NTS: variants seen among roughly 807,000 people sequenced by gnomAD.
The protein encoded by NTS is neurotensin.
NTS carries 20 observed loss-of-function variants against 19.5 expected under a neutral mutation model. The ratio of observed to expected loss-of-function variants is 1.02; its 90% confidence interval spans 0.72 to 1.49. The LOEUF is 1.49. NTS is among the 40% of genes most tolerant of loss of function. NTS has a pLI of 0.00. For synonymous variants in NTS, 71 were observed against 63.3 expected (o/e 1.12, Z -0.58); for missense variants, 215 against 193.1 (o/e 1.11, Z -0.67).
At position 85,882,395 on chromosome 12, in the gene NTS, A is replaced by T. The variant is rs372973030; in HGVS notation, c.*20A>T. The stretch of plus-strand genomic sequence containing the variant: ...TACTGAGAGAATAAATCATTTATTT[A>T]CATGTGATTGTGATTCATCATCCCT... On this transcript the variant is annotated 3_prime_UTR_variant, in exon 4 of 4. Coordinates refer to ENST00000256010, the MANE Select transcript of NTS (RefSeq NM_006183.5). The T allele has an allele frequency of 8.7e-6, 13 of 1,492,906 alleles. No homozygotes were observed. In the African/African-American group the frequency reaches 1.9e-4, roughly 21 times the overall value. 92.5% of individuals were successfully genotyped at this position (1,492,906 alleles called of 1,614,324 possible).
intron 1 of NTS, among the ~76,000 whole-genome samples, chr12:85,876,031 A>G (rs1256349964): frequency 6.6e-6 from 1 of 151,960 alleles, no homozygotes; most frequent in Admixed American, 6.6e-5. Flanking sequence ...GAACAGCTCC[A>G]CTTTTGCTTT....
chr12:85,881,424 A>G (rs1881499954), intron 3 of NTS, among the ~76,000 whole-genome samples: 1 of 152,188 alleles, frequency 6.6e-6, no homozygotes. Context: ...ATTGTATATT[A>G]AACTCTGGAC....
chr12:85,880,930 C>A (rs1285614160), intron 3 of NTS, among the ~76,000 whole-genome samples: 4 of 151,868 alleles, frequency 2.6e-5, no homozygotes, highest in Non-Finnish European at 4.4e-5. Context: ...CCAGCCTGGG[C>A]GACAGAGCGA....
At chr12:85,881,293 T>C (rs1398802165) in intron 3 of NTS, among the ~76,000 whole-genome samples, 1 of 152,192 alleles carries the variant, frequency 6.6e-6, no homozygotes, top group East Asian at 1.9e-4. Context: ...TTTATTCATA[T>C]GCATTGCAAT....
chr12:85,879,547 G>C (rs1881446257), intron 3 of NTS, among the ~76,000 whole-genome samples: 1 of 100,776 alleles, frequency 9.9e-6, no homozygotes. Flanking sequence ...TATATTTTTT[G>C]TATATTTTAT....
Position 85,878,460 on chromosome 12 carries a change from T to C in NTS, c.251T>C (p.Val84Ala). Residue 84 changes from valine (V) to alanine (A), a missense_variant, in exon 3 of 4, where the codon GTT becomes GCT. By Grantham distance (64) the Val-to-Ala change is moderately conservative (BLOSUM62 0). Coordinates refer to ENST00000256010, the MANE Select transcript of NTS (RefSeq NM_006183.5). ...ETGEVHEEEL[V>A]ARRKLPTALD... ...GGAGAAGTTCATGAAGAGGAGCTTGTTGCAAGAAGGAAACTTCCTACTGCT... is the reference window on the plus strand; with the variant it reads ...GGAGAAGTTCATGAAGAGGAGCTTGCTGCAAGAAGGAAACTTCCTACTGCT... 2 of 1,613,908 alleles carry C rather than the reference T, an allele frequency of 1.2e-6. No homozygotes were observed. The highest frequency in any genetic ancestry group is 1.1e-5 in the South Asian group (1 of 91,064).
At chr12:85,881,493 T>C (rs1881501373) in intron 3 of NTS, among the ~76,000 whole-genome samples, 1 of 152,114 alleles carries the variant, frequency 6.6e-6, no homozygotes, top group South Asian at 2.1e-4. Flanking sequence ...AGAAAAAAAA[T>C]TATGCTTAAT....
chr12:85,882,290 A>C lies in NTS; in HGVS notation c.428A>C (p.Lys143Thr), dbSNP rs748976914. The change falls in exon 4 of 4, where the codon AAA (lysine) becomes ACA (threonine). Residue 143 changes from lysine to threonine, a missense_variant. Lys to Thr is a moderately conservative substitution (Grantham distance 78, BLOSUM62 -1). Transcript: ENST00000256010. Reference sequence around the variant, plus strand: ...GGAAAGGAAGAAGTCATAAAGAGAAAAATTCCTTATATTCTGAAACGGCAG... The same window carrying C: ...GGAAAGGAAGAAGTCATAAAGAGAACAATTCCTTATATTCTGAAACGGCAG... ...KNGKEEVIKR[K>T]IPYILKRQLY... The C allele has an allele frequency of 6.9e-5, 111 of 1,609,108 alleles. No homozygotes were observed. The highest frequency in any genetic ancestry group is 9.3e-5 in the Non-Finnish European group (110 of 1,177,614).
intron 3 of NTS, among the ~76,000 whole-genome samples, chr12:85,880,900 TGAG>T (rs1396662551): frequency 6.6e-6 from 1 of 152,046 alleles, no homozygotes; most frequent in Admixed American, 6.5e-5. Context: ...TGCAGTGAGC[TGAG>T]ATCACGGCAC....
chr12:85,878,636 C>A (rs1221554919), intron 3 of NTS, 67 bp downstream of exon 3: 4 of 890,864 alleles, frequency 4.5e-6, no homozygotes, highest in African/African-American at 1.7e-5. Flanking sequence ...ATATTAATTT[C>A]TTAAATTCCC....
chr12:85,878,568 A>G lies in NTS; in HGVS notation c.359A>G (p.Glu120Gly), dbSNP rs1367990867. 9.5e-6 allele frequency: 15 copies of G among 1,578,552 alleles called. No individual in the cohort carries two copies. The highest frequency in any genetic ancestry group is 1.3e-5 in the Non-Finnish European group (15 of 1,155,774). Reference protein sequence around the residue: ...ICHSRAFQHWELIQEDILDTG... With the variant: ...ICHSRAFQHWGLIQEDILDTG... ...CACAGCAGGGCTTTTCAACACTGGGAGGTATAGCAATAACAAAATATTAAT... is the reference window on the plus strand; with the variant it reads ...CACAGCAGGGCTTTTCAACACTGGGGGGTATAGCAATAACAAAATATTAAT... Residue 120 changes from glutamate to glycine, a missense_variant and splice_region_variant, in exon 3 of 4, where the codon GAG (glutamate) becomes GGG (glycine). By Grantham distance (98) the Glu-to-Gly change is moderately conservative. Transcript: ENST00000256010.
intron 1 of NTS, among the ~76,000 whole-genome samples, chr12:85,875,991 C>T (rs536775995): frequency 2.1e-3 from 316 of 152,000 alleles, no homozygotes; most frequent in Middle Eastern, 3.4e-3. Flanking sequence ...TCCAGAGATC[C>T]ATTTTCAATG....
chr12:85,882,077 A>C (rs1193545806), intron 3 of NTS, 146 bp from the exon 4 acceptor site: 5 of 624,248 alleles, frequency 8.0e-6, no homozygotes, highest in Non-Finnish European at 1.4e-5. Flanking sequence ...CTTTGAAAAA[A>C]CAATTTCTTT....
At chr12:85,876,509 C>A in intron 1 of NTS, 131 bp from the exon 2 acceptor site, 1 of 460,202 alleles carries the variant, frequency 2.2e-6, no homozygotes, top group Non-Finnish European at 3.8e-6. Context: ...TTTAGGATTA[C>A]TATTTTTAAG....
intron 2 of NTS, chr12:85,878,041 GATAT>G: frequency 5.3e-6 from 1 of 190,158 alleles, no homozygotes; most frequent in East Asian, 1.2e-4. Context: ...TTTCATCTGT[GATAT>G]ATATATCATT....
At chr12:85,879,066 T>C (rs1390894229) in intron 3 of NTS, among the ~76,000 whole-genome samples, 2 of 147,874 alleles carry the variant, frequency 1.4e-5, no homozygotes, top group East Asian at 2.1e-4. Flanking sequence ...TTTTTATGTA[T>C]ATTTTAATGT....
chr12:85,879,319 A>AT lies in NTS; in HGVS notation c.360+753dup, dbSNP rs1222310214. 1.9e-4 allele frequency among the ~76,000 whole-genome samples: 14 copies of AT among 72,202 alleles called. 7 individuals carry two copies. Among genetic ancestry groups the AT allele is most frequent in the Admixed American group, 6.2e-4 (4 of 6,478 alleles). 47.4% of individuals were successfully genotyped at this position (72,202 alleles called of 152,430 possible). A position where few individuals can be genotyped will look rare whatever the true frequency, so the allele number is the denominator to read the frequency against. ...TGTATATTTTATGTATATAAAATAT[A>AT]TTTAATGTATATTTTATGTATATTT... On this transcript the variant is annotated intron_variant, in intron 3 of 3. Transcript: ENST00000256010.
chr12:85,878,991 A>C (rs1881410480), intron 3 of NTS, among the ~76,000 whole-genome samples: 1 of 151,186 alleles, frequency 6.6e-6, no homozygotes, highest in Admixed American at 6.6e-5. Context: ...CTGGAATAAA[A>C]CATAAATATT....
Position 85,882,367 on chromosome 12 carries a change from T to G in NTS, c.505T>G (p.Tyr169Asp). Residue 169 changes from tyrosine to aspartate, a missense_variant, in exon 4 of 4, where the codon TAT (tyrosine) becomes GAT (aspartate). Physicochemically the swap from Tyr to Asp is radical, Grantham distance 160. Transcript: ENST00000256010. Reference sequence around the variant, plus strand: ...CTACATACTCAAAAGAGATTCTTACTATTACTGAGAGAATAAATCATTTAT... The same window carrying G: ...CTACATACTCAAAAGAGATTCTTACGATTACTGAGAGAATAAATCATTTAT... ...RPYILKRDSYYY is the reference protein window; with the variant it reads ...RPYILKRDSYDY The G allele has an allele frequency of 6.4e-7, 1 of 1,558,492 alleles. No homozygotes were observed. Among genetic ancestry groups the G allele is most frequent in the South Asian group, 1.2e-5 (1 of 82,230 alleles).
Sources: gnomAD v4.1 joint callset for allele counts (sites outside exome capture counted in the v4.1 genomes callset) on GRCh38, gnomAD v4.1.1 for gene constraint, MANE v1.5 for transcripts, NCBI Gene and HGNC (gene_info 2026-07-23, HGNC 2026-07-21) for gene names.